ATG13: variants seen among roughly 807,000 people sequenced by gnomAD.
The protein encoded by ATG13 is autophagy related 13.
In ATG13, 23 loss-of-function variants were observed where a neutral mutation model predicts 65.5. That is an observed-to-expected ratio of 0.35 (90% confidence interval 0.25 to 0.50). The LOEUF is 0.50. Ranked by LOEUF, ATG13 falls within the 20% of genes least tolerant of loss-of-function variation. The pLI, the probability that ATG13 is intolerant of heterozygous loss-of-function variation, is 0.98. For missense variants in ATG13, 566 were observed against 677.0 expected (o/e 0.84, Z 1.82); for synonymous variants, 252 against 245.2 (o/e 1.03, Z -0.26).
chr11:46,653,592 C>G (rs184492718), intron 7 of ATG13, among the ~76,000 whole-genome samples: 2 of 149,172 alleles, frequency 1.3e-5, no homozygotes, highest in South Asian at 4.2e-4. Flanking sequence ...TTTTTTGAGA[C>G]GGAGTCTCGC....
At chr11:46,655,150 A>C (rs1015449442) in intron 7 of ATG13, among the ~76,000 whole-genome samples, 2 of 152,036 alleles carry the variant, frequency 1.3e-5, no homozygotes, top group Non-Finnish European at 2.9e-5. Flanking sequence ...CTGTAATCCC[A>C]GCACTTTGGG....
rs189581432 is a variant in ATG13 at position 46,636,829 on chromosome 11, T to C, written c.-14+6729T>C. Among the ~76,000 whole-genome samples, 14 of 151,954 alleles carry C rather than the reference T, an allele frequency of 9.2e-5. No homozygotes were observed. The East Asian group carries it at 2.7e-3, about 29-fold the overall frequency. On this transcript the variant is annotated intron_variant, in intron 2 of 18. Coordinates refer to ENST00000683050, the MANE Select transcript of ATG13 (RefSeq NM_001346311.2). Reference sequence around the variant, plus strand: ...CTCATTCTGTCACCAGGCTAGAGTGTTAATTCTCCTGCCTCAGCCTCCCGA... The same window carrying C: ...CTCATTCTGTCACCAGGCTAGAGTGCTAATTCTCCTGCCTCAGCCTCCCGA...
At chr11:46,630,726 A>G (rs975548986) in intron 2 of ATG13, among the ~76,000 whole-genome samples, 5 of 151,990 alleles carry the variant, frequency 3.3e-5, no homozygotes, top group African/African-American at 1.2e-4. Flanking sequence ...GCATGCCACC[A>G]TGCCCGGCTA....
chr11:46,658,855 GA>G (rs1014014209), intron 10 of ATG13, among the ~76,000 whole-genome samples: 1 of 152,076 alleles, frequency 6.6e-6, no homozygotes, highest in Non-Finnish European at 1.5e-5. Flanking sequence ...GAAAAGAAAA[GA>G]AAATGCTCTC....
At chr11:46,625,414 A>G (rs2049204276) in intron 1 of ATG13, 1 of 151,664 alleles carries the variant, frequency 6.6e-6, no homozygotes, top group Admixed American at 6.6e-5. Context: ...AGCTGGGACT[A>G]TAGGTGAGCA....
chr11:46,652,187 G>T (rs181368032), intron 7 of ATG13, among the ~76,000 whole-genome samples: 36 of 152,260 alleles, frequency 2.4e-4, no homozygotes, highest in Non-Finnish European at 4.4e-4. Context: ...GGCGGAGGTT[G>T]CAGGGAACCA....
At chr11:46,668,411 T>G (rs2062884549) in intron 15 of ATG13, 88 bp from the exon 16 acceptor site, 1 of 1,342,050 alleles carries the variant, frequency 7.5e-7, no homozygotes, top group African/African-American at 1.4e-5. Flanking sequence ...GTGAACTTGC[T>G]GGACCTCTAG....
chr11:46,667,722 T>C, intron 14 of ATG13, 51 bp from the exon 15 acceptor site: 1 of 1,431,074 alleles, frequency 7.0e-7, no homozygotes, highest in Non-Finnish European at 9.8e-7. Context: ...GTGAACTAAG[T>C]CGTCCTGCTG....
chr11:46,631,231 A>T (rs544880087), intron 2 of ATG13, among the ~76,000 whole-genome samples: 1 of 152,170 alleles, frequency 6.6e-6, no homozygotes, highest in Non-Finnish European at 1.5e-5. Context: ...TCACTCTGTT[A>T]CTTAAGTTGG....
intron 1 of ATG13, among the ~76,000 whole-genome samples, chr11:46,621,704 G>A (rs2047553871): frequency 6.6e-6 from 1 of 152,012 alleles, no homozygotes; most frequent in Admixed American, 6.6e-5. Context: ...GCTTCTTTGA[G>A]CATCTGTGAT....
chr11:46,652,531 A>G (rs1377763277), intron 7 of ATG13, among the ~76,000 whole-genome samples: 1 of 152,154 alleles, frequency 6.6e-6, no homozygotes, highest in African/African-American at 2.4e-5. Context: ...CCTGGGCAAC[A>G]TAGTGATACC....
At chr11:46,669,610 C>T (rs1592284316) in intron 18 of ATG13, 78 bp downstream of exon 18, 1 of 1,472,410 alleles carries the variant, frequency 6.8e-7, no homozygotes, top group East Asian at 2.3e-5. Flanking sequence ...GGAGGCCTAC[C>T]ACCTTCTATC....
chr11:46,637,832 G>A (rs977188638), intron 2 of ATG13, among the ~76,000 whole-genome samples: 2 of 152,122 alleles, frequency 1.3e-5, no homozygotes, highest in Non-Finnish European at 2.9e-5. Flanking sequence ...CCTGGCATAG[G>A]GCAGCTGGCG....
chr11:46,671,069 T>G (rs533641047), intron 18 of ATG13, among the ~76,000 whole-genome samples: 13 of 152,274 alleles, frequency 8.5e-5, no homozygotes, highest in Non-Finnish European at 1.8e-4. Context: ...TGACATGCAC[T>G]TGGAAGAAAG....
At chr11:46,625,853 GCTTTGGAAGAGA>G (rs1354144939) in intron 1 of ATG13, among the ~76,000 whole-genome samples, 2 of 152,324 alleles carry the variant, frequency 1.3e-5, no homozygotes, top group Non-Finnish European at 2.9e-5. Flanking sequence ...TTTACTGTAT[GCTTTGGAAGAGA>G]AGGTTTGTGT....
In ATG13 at chr11:46,672,935, A is replaced by G; in HGVS notation, c.*603A>G. 1 of 694,876 alleles carries G rather than the reference A, an allele frequency of 1.4e-6. No homozygotes were observed. Among genetic ancestry groups the G allele is most frequent in the Non-Finnish European group, 2.0e-6 (1 of 496,134 alleles). 43.0% of individuals were successfully genotyped at this position (694,876 alleles called of 1,614,324 possible). ...CCTGCCTACCCAAGATCAGAACTCCAAAACCACTCCCACCCCTGAAGGTCG... is the reference window on the plus strand; with the variant it reads ...CCTGCCTACCCAAGATCAGAACTCCGAAACCACTCCCACCCCTGAAGGTCG... On this transcript the variant is annotated 3_prime_UTR_variant, in exon 19 of 19. Coordinates refer to ENST00000683050, the MANE Select transcript of ATG13 (RefSeq NM_001346311.2).
chr11:46,649,197 C>CCTAA lies in ATG13; in HGVS notation c.317+14_317+15insCTAA. On this transcript the variant is annotated intron_variant, in intron 6 of 18. Transcript: ENST00000683050. ...AATGAATGAAAAGTAAGTGCTGCGT[C>CCTAA]TTAGGGTCCTTGGTTGTGGTTGCTG... 1 of 1,610,264 alleles carries CCTAA rather than the reference C, an allele frequency of 6.2e-7. No individual in the cohort carries two copies. The highest frequency in any genetic ancestry group is 8.5e-7 in the Non-Finnish European group (1 of 1,177,926).
rs1213994582 is a variant in ATG13, at chr11:46,665,476, A to AC, written c.1097dup (p.Ser367PhefsTer2). ...TGACCAGGAGAGACTGGCAACCTGCACCCCTTCTGACAGAACCCACTGTGC... is the reference window on the plus strand; with the variant it reads ...TGACCAGGAGAGACTGGCAACCTGCACCCCCTTCTGACAGAACCCACTGTGC... On this transcript the variant is annotated frameshift_variant, in exon 14 of 19. Coordinates refer to ENST00000683050, the MANE Select transcript of ATG13 (RefSeq NM_001346311.2). LOFTEE classifies it high-confidence loss of function. The AC allele has an allele frequency of 6.2e-7, 1 of 1,614,026 alleles. No individual in the cohort carries two copies. Among genetic ancestry groups the AC allele is most frequent in the Admixed American group, 1.7e-5 (1 of 59,998 alleles).
intron 1 of ATG13, among the ~76,000 whole-genome samples, chr11:46,623,777 A>G (rs1158685264): frequency 1.3e-5 from 2 of 152,066 alleles, no homozygotes; most frequent in African/African-American, 4.8e-5. Context: ...ATTCAAATCT[A>G]CAGAAAAGTT....
Sources: allele counts gnomAD v4.1 joint callset (sites outside exome capture counted in the v4.1 genomes callset), GRCh38; gene constraint gnomAD v4.1.1; transcripts MANE v1.5; gene names NCBI Gene and HGNC (gene_info 2026-07-23, HGNC 2026-07-21).